Variants in APC observed in about 807,000 individuals in gnomAD.
The protein encoded by APC is APC regulator of Wnt signaling pathway.
APC carries 72 observed loss-of-function variants against 247.0 expected under a neutral mutation model. That is an observed-to-expected ratio of 0.29 (90% CI 0.24 to 0.35). The LOEUF (loss-of-function observed/expected upper bound fraction) is 0.35. Ranked by LOEUF, APC falls within the 10% of genes least tolerant of loss-of-function variation. The pLI is 1.00. For missense variants in APC, 3,400 were observed against 3,360.7 expected (o/e 1.01, Z -0.29); for synonymous variants, 1,254 against 1,162.5 (o/e 1.08, Z -1.60).
chr5:112,839,976 A>T lies in APC; in HGVS notation c.4382A>T (p.Glu1461Val), dbSNP rs1765668911. The change falls in exon 16 of 16, where the codon GAA becomes GTA. Residue 1461 changes from glutamate to valine, a missense_variant. Glu to Val is a moderately radical substitution (Grantham distance 121). Coordinates refer to ENST00000257430, the MANE Select transcript of APC (RefSeq NM_000038.6). This position sits in a 1 kb window ranked among gnomAD's most constrained non-coding sequence, Gnocchi z 5.0. ...EVPKNKAPTAEKRESGPKQAA... is the reference protein window; with the variant it reads ...EVPKNKAPTAVKRESGPKQAA... ...CCTAAAAATAAAGCACCTACTGCTGAAAAGAGAGAGAGTGGACCTAAGCAA... is the reference window on the plus strand; with the variant it reads ...CCTAAAAATAAAGCACCTACTGCTGTAAAGAGAGAGAGTGGACCTAAGCAA... 1 of 1,614,168 alleles carries T rather than the reference A, an allele frequency of 6.2e-7. No homozygotes were observed. Among genetic ancestry groups the T allele is most frequent in the African/African-American group, 1.3e-5 (1 of 75,044 alleles).
At chr5:112,817,235 G>A (rs1192635848) in intron 9 of APC, among the ~76,000 whole-genome samples, 11 of 152,032 alleles carry the variant, frequency 7.2e-5, no homozygotes, top group South Asian at 4.1e-4. Flanking sequence ...ATGTATTTTC[G>A]ATTAACTCGA....
rs769736863 is a variant in APC at position 112,843,947 on chromosome 5, A to C, written c.8353A>C (p.Asn2785His). Reference protein sequence around the residue: ...GTVAARVTPFNYNPSPRKSSA... With the variant: ...GTVAARVTPFHYNPSPRKSSA... The stretch of plus-strand genomic sequence containing the variant: ...TGTTGCTGCCAGAGTGACTCCTTTT[A>C]ATTACAACCCAAGCCCTAGGAAAAG... The change falls in exon 16 of 16, where the codon AAT becomes CAT. Residue 2785 changes from asparagine (N) to histidine (H), a missense_variant. This residue lies in a region of APC where 1,788 missense variants were observed against 1,649.5 expected (regional missense o/e 1.08). Transcript: ENST00000257430. This position sits in a 1 kb window ranked among gnomAD's most constrained non-coding sequence, Gnocchi z 4.8. The C allele has an allele frequency of 3.7e-6, 6 of 1,609,870 alleles. No homozygotes were observed. The East Asian group carries it at 1.3e-4, about 36-fold the overall frequency.
At chr5:112,776,006 C>T (rs530311441) in intron 5 of APC, among the ~76,000 whole-genome samples, 1 of 152,290 alleles carries the variant, frequency 6.6e-6, no homozygotes, top group Non-Finnish European at 1.5e-5. Flanking sequence ...CAGGGTTCAA[C>T]TAGGCAACTA....
intron 2 of APC, among the ~76,000 whole-genome samples, chr5:112,760,879 G>T (rs1755573410): frequency 6.6e-6 from 1 of 151,190 alleles, no homozygotes; most frequent in South Asian, 2.1e-4. Context: ...GCACAGTCTT[G>T]GCTCACTACA....
Position 112,827,277 on chromosome 5 carries a change from A to G in APC, c.1548+30A>G, listed in dbSNP as rs1361112680. Reference sequence around the variant, plus strand: ...GTTTTTATAACATGTATTTCTTAAGATAGCTCAGGTATGAGTTAATTTACT... The same window carrying G: ...GTTTTTATAACATGTATTTCTTAAGGTAGCTCAGGTATGAGTTAATTTACT... On this transcript the variant is annotated intron_variant, in intron 12 of 15. Transcript: ENST00000257430. The G allele has an allele frequency of 2.5e-6, 4 of 1,612,180 alleles. No homozygotes were observed. The African/African-American group carries it at 4.0e-5, about 16-fold the overall frequency.
intron 9 of APC, 111 bp from the exon 10 acceptor site, chr5:112,818,855 G>GGGTGGT: frequency 5.4e-6 from 6 of 1,118,286 alleles, no homozygotes; most frequent in East Asian, 2.6e-5. Context: ...GGCGGGGGGG[G>GGGTGGT]TTGTTTTGTT....
chr5:112,785,498 C>G (rs1436415387), intron 6 of APC, among the ~76,000 whole-genome samples: 2 of 152,112 alleles, frequency 1.3e-5, no homozygotes. Flanking sequence ...TTTTTGGAAC[C>G]TAGAAAAATG....
chr5:112,764,245 CAAAAA>C (rs71683434), intron 2 of APC, among the ~76,000 whole-genome samples: 3 of 105,212 alleles, frequency 2.9e-5, no homozygotes, highest in Admixed American at 9.6e-5. Flanking sequence ...GACTCCGTCT[CAAAAA>C]AAAAAAAAAA....
intron 2 of APC, among the ~76,000 whole-genome samples, chr5:112,765,178 C>A (rs1220798247): frequency 6.6e-6 from 1 of 152,208 alleles, no homozygotes; most frequent in South Asian, 2.1e-4. Context: ...GACTGTGGCT[C>A]ACTGCAGCCT....
chr5:112,822,412 T>C (rs1336662070), intron 11 of APC, among the ~76,000 whole-genome samples: 2 of 152,212 alleles, frequency 1.3e-5, no homozygotes, highest in Non-Finnish European at 2.9e-5. Flanking sequence ...ATTATTAAGA[T>C]TGTCATTTAT....
chr5:112,737,755 A>C, upstream of APC: 1 of 812,766 alleles, frequency 1.2e-6, no homozygotes, highest in Non-Finnish European at 1.5e-6. Context: ...AAGCGGAGAG[A>C]GAAGCAGCTG....
intron 4 of APC, among the ~76,000 whole-genome samples, chr5:112,769,486 C>G (rs575829730): frequency 2.8e-4 from 42 of 151,784 alleles, no homozygotes; most frequent in Non-Finnish European, 5.4e-4. Context: ...CTGCAGATAC[C>G]AAAATATAGA....
chr5:112,738,609 G>A, intron 1 of APC: 3 of 617,650 alleles, frequency 4.9e-6, no homozygotes, highest in Non-Finnish European at 6.1e-6. Flanking sequence ...TGCAGTGGTA[G>A]TGGCTTTTTG....
chr5:112,734,985 T>G (rs1752299270), upstream of APC, among the ~76,000 whole-genome samples: 1 of 152,008 alleles, frequency 6.6e-6, no homozygotes, highest in Admixed American at 6.6e-5. Flanking sequence ...TTTTTTTTTG[T>G]AGCTGCAGAA....
intron 11 of APC, among the ~76,000 whole-genome samples, 174 bp from the exon 12 acceptor site, chr5:112,826,934 T>C (rs1580563080): frequency 6.6e-6 from 1 of 152,188 alleles, no homozygotes. Context: ...TTTATAAATA[T>C]ATTATACAGA....
At chr5:112,774,410 A>G (rs1245448008) in intron 4 of APC, among the ~76,000 whole-genome samples, 5 of 151,908 alleles carry the variant, frequency 3.3e-5, no homozygotes, top group African/African-American at 1.2e-4. Flanking sequence ...TCTAGTCACA[A>G]TCATTTTGAA....
At chr5:112,742,690 CAGAA>C (rs1487032905) in intron 1 of APC, among the ~76,000 whole-genome samples, 1 of 152,206 alleles carries the variant, frequency 6.6e-6, no homozygotes, top group Non-Finnish European at 1.5e-5. Flanking sequence ...ATGATTCTAA[CAGAA>C]AGGCCATTTA....
intron 8 of APC, among the ~76,000 whole-genome samples, chr5:112,806,106 A>G (rs888674033): frequency 6.6e-6 from 1 of 151,938 alleles, no homozygotes; most frequent in African/African-American, 2.4e-5. Context: ...GTTTCATCCC[A>G]TTTTGCTCAG....
intron 8 of APC, among the ~76,000 whole-genome samples, chr5:112,809,260 A>C (rs1245785532): frequency 6.6e-6 from 1 of 151,982 alleles, no homozygotes; most frequent in Non-Finnish European, 1.5e-5. Flanking sequence ...TGGGAGGTTG[A>C]GGTGGCTGAC....
Sources: gnomAD v4.1 joint callset for allele counts (sites outside exome capture counted in the v4.1 genomes callset) on GRCh38, gnomAD v4.1.1 for gene constraint, gnomAD v4.1.1 regional missense constraint, Gnocchi (gnomAD v3.1) non-coding constraint, MANE v1.5 for transcripts, NCBI Gene and HGNC (gene_info 2026-07-23, HGNC 2026-07-21) for gene names.